TTC21A: variants seen among roughly 807,000 people sequenced by gnomAD.
TTC21A encodes tetratricopeptide repeat protein 21A.
TTC21A carries 128 observed loss-of-function variants against 156.4 expected under a neutral mutation model. The ratio of observed to expected loss-of-function variants is 0.82; its 90% CI spans 0.71 to 0.95. TTC21A has a LOEUF of 0.95. Ranked by LOEUF, TTC21A falls within the 40% of genes least tolerant of loss-of-function variation. The pLI is 0.00. For missense variants in TTC21A, 1,435 were observed against 1,602.3 expected, an observed-to-expected ratio of 0.90 and a Z score of 1.78; for synonymous variants, 587 against 617.1, an observed-to-expected ratio of 0.95 and a Z score of 0.72.
chr3:39,135,037 C>T lies in TTC21A; in HGVS notation c.2863-56C>T, dbSNP rs2039008917. On this transcript the variant is annotated intron_variant, in intron 21 of 28. Coordinates refer to ENST00000683103, the MANE Select transcript of TTC21A (RefSeq NM_001366900.1). ...CCCCCATACCCCCCGCCTCCCCCTA[C>T]ACCCATGCAAGCTGCCACTGTTGGG... 2.3e-5 allele frequency: 30 copies of T among 1,300,238 alleles called. No homozygotes were observed. The South Asian group carries it at 2.7e-4, about 12-fold the overall frequency. 80.5% of individuals were successfully genotyped at this position (1,300,238 alleles called of 1,614,324 possible).
At chr3:39,113,601 G>T (rs780245742) in intron 5 of TTC21A, among the ~76,000 whole-genome samples, 1 of 152,228 alleles carries the variant, frequency 6.6e-6, no homozygotes, top group Non-Finnish European at 1.5e-5. Flanking sequence ...GATGGTAGGG[G>T]GTGGGTCACA....
intron 14 of TTC21A, 41 bp downstream of exon 14, chr3:39,128,973 A>G (rs2038496909): frequency 2.5e-6 from 4 of 1,610,882 alleles, no homozygotes; most frequent in Non-Finnish European, 3.4e-6. Context: ...ACTGGGGCAC[A>G]CTGGAGGCTC....
chr3:39,114,363 C>T (rs1404534877), intron 5 of TTC21A, among the ~76,000 whole-genome samples: 1 of 152,190 alleles, frequency 6.6e-6, no homozygotes, highest in Non-Finnish European at 1.5e-5. Flanking sequence ...CCCCAAAGCC[C>T]CTGCTCATCC....
chr3:39,114,683 G>A lies in TTC21A; in HGVS notation c.657G>A (p.Leu219=). The A allele has an allele frequency of 6.2e-7, 1 of 1,614,238 alleles. No individual in the cohort carries two copies. The highest frequency in any genetic ancestry group is 2.2e-5 in the East Asian group (1 of 44,894). ...GGAGCTTCCTGCCAGCCCTCGTCCT[G>A]AAGATGCAGCTGTTCTTAGCTCGGC... ...TSGSFLPALV[L]KMQLFLARQD... Residue 219 remains leucine (L), a synonymous_variant, in exon 6 of 29, where the codon CTG becomes CTA. Transcript: ENST00000683103.
intron 19 of TTC21A, chr3:39,132,700 A>T: frequency 2.9e-6 from 1 of 338,990 alleles, no homozygotes; most frequent in Non-Finnish European, 5.5e-6. Flanking sequence ...TACAGAACAG[A>T]ACAGTCTACT....
chr3:39,129,019 C>T, intron 14 of TTC21A, 53 bp from the exon 15 acceptor site: 1 of 1,606,830 alleles, frequency 6.2e-7, no homozygotes, highest in Non-Finnish European at 8.5e-7. Flanking sequence ...TTGATTCCAC[C>T]CACTGTTTAC....
chr3:39,130,293 C>T lies in TTC21A; in HGVS notation c.2254C>T (p.Pro752Ser). ...EVYDEAYRQN[P>S]HDASLASRIG... ...CTATGATGAGGCCTATAGACAGAAC[C>T]CACATGACGCCTCCCTGGCCAGCAG... The change falls in exon 17 of 29, where the codon CCA becomes TCA. Residue 752 changes from proline to serine, a missense_variant. Coordinates refer to ENST00000683103, the MANE Select transcript of TTC21A (RefSeq NM_001366900.1). This position sits in a 1 kb window ranked among gnomAD's most constrained non-coding sequence, Gnocchi z 4.5. The T allele has an allele frequency of 6.2e-7, 1 of 1,614,018 alleles. No homozygotes were observed. The highest frequency in any genetic ancestry group is 8.5e-7 in the Non-Finnish European group (1 of 1,179,960).
At chr3:39,122,218 G>C (rs1435288982) in intron 9 of TTC21A, among the ~76,000 whole-genome samples, 1 of 152,014 alleles carries the variant, frequency 6.6e-6, no homozygotes, top group African/African-American at 2.4e-5. Flanking sequence ...CGCTGAGGCC[G>C]GAGAATCACT....
intron 15 of TTC21A, 126 bp from the exon 16 acceptor site, chr3:39,129,953 A>G (rs2038596993): frequency 9.8e-7 from 1 of 1,022,560 alleles, no homozygotes. Context: ...TGGACTTTCT[A>G]TAAATATTGA....
chr3:39,125,680 A>G lies in TTC21A; in HGVS notation c.1392+148A>G, dbSNP rs1167961835. 3 of 669,108 alleles carry G rather than the reference A, an allele frequency of 4.5e-6. No homozygotes were observed. In the African/African-American group the frequency reaches 5.4e-5, roughly 12 times the overall value. The allele number at this position is 669,108 out of a possible 1,614,324, so 41.4% of individuals were successfully genotyped here. On this transcript the variant is annotated intron_variant, in intron 11 of 28. Transcript: ENST00000683103. ...GCAGCTGGGGAGCCCAGTGCTCTTCAAACTTGAACATACAGCACACAGGTC... is the reference window on the plus strand; with the variant it reads ...GCAGCTGGGGAGCCCAGTGCTCTTCGAACTTGAACATACAGCACACAGGTC...
At chr3:39,108,065 C>G (rs543481676) in intron 1 of TTC21A, 2 of 609,508 alleles carry the variant, frequency 3.3e-6, no homozygotes, top group Non-Finnish European at 5.8e-6. Context: ...ATTAGCATCC[C>G]CGTTTCTTGA....
intron 6 of TTC21A, 103 bp downstream of exon 6, chr3:39,114,845 T>C: frequency 1.4e-6 from 2 of 1,397,336 alleles, no homozygotes; most frequent in Admixed American, 1.9e-5. Flanking sequence ...ATATCGCCCA[T>C]AGAGGAACTG....
chr3:39,123,342 A>G (rs1250757654), intron 9 of TTC21A, among the ~76,000 whole-genome samples: 2 of 152,230 alleles, frequency 1.3e-5, no homozygotes, highest in African/African-American at 4.8e-5. Context: ...GCTTGCTTCA[A>G]ACAGATGAGA....
At chr3:39,108,149 C>G in intron 1 of TTC21A, 1 of 567,058 alleles carries the variant, frequency 1.8e-6, no homozygotes, top group Non-Finnish European at 3.1e-6. Context: ...ACCCAGCTCA[C>G]TCTCGCCTGC....
intron 5 of TTC21A, among the ~76,000 whole-genome samples, chr3:39,112,978 C>T (rs566079562): frequency 2.1e-4 from 32 of 152,052 alleles, no homozygotes; most frequent in African/African-American, 7.2e-4. Flanking sequence ...TTTAGTGTGC[C>T]GTAAGAGAAG....
chr3:39,125,376 G>A lies in TTC21A; in HGVS notation c.1236G>A (p.Lys412=), dbSNP rs963914705. 4.3e-6 allele frequency: 7 copies of A among 1,614,198 alleles called. No individual in the cohort carries two copies. Among genetic ancestry groups the A allele is most frequent in the Non-Finnish European group, 5.9e-6 (7 of 1,180,028 alleles). ...CCCTCCTGATGTCCAGGAAGCACAA[G>A]GGGGAGGAAGAGACCACAGCGCTCC... The part of the protein sequence containing the change: ...LQALLMSRKH[K]GEEETTALLK... Residue 412 remains lysine, a synonymous_variant, in exon 11 of 29, where the codon AAG becomes AAA. Coordinates refer to ENST00000683103, the MANE Select transcript of TTC21A (RefSeq NM_001366900.1).
intron 9 of TTC21A, among the ~76,000 whole-genome samples, chr3:39,124,749 CAT>C (rs1379551552): frequency 6.7e-6 from 1 of 150,106 alleles, no homozygotes; most frequent in African/African-American, 2.4e-5. Flanking sequence ...TTGGTATGCT[CAT>C]GTGTACATAT....
rs1286381766 is a variant in TTC21A, at chr3:39,136,400, A to C, written c.2988A>C (p.Arg996Ser). The change falls in exon 23 of 29, where the codon AGA (arginine) becomes AGC (serine). Residue 996 changes from arginine to serine, a missense_variant. Arg to Ser is a moderately radical substitution (Grantham distance 110, BLOSUM62 -1). Transcript: ENST00000683103. Reference protein sequence around the residue: ...VLHKLIDLLRRSGKLEDIPAF... With the variant: ...VLHKLIDLLRSSGKLEDIPAF... ...ATAAATTAATCGATCTGCTAAGAAG[A>C]AGTGGAAAACTTGAAGACATTCCTG... is the stretch of plus-strand genomic sequence containing the variant. 1 of 1,614,134 alleles carries C rather than the reference A, an allele frequency of 6.2e-7. No homozygotes were observed. Among genetic ancestry groups the C allele is most frequent in the African/African-American group, 1.3e-5 (1 of 75,044 alleles).
At position 39,112,469 on chromosome 3, in the gene TTC21A, C is replaced by G. The variant is rs777661504; in HGVS notation, c.447C>G (p.Leu149=). 54 of 1,614,122 alleles carry G rather than the reference C, an allele frequency of 3.3e-5. No homozygotes were observed. The highest frequency in any genetic ancestry group is 4.4e-5 in the Non-Finnish European group (52 of 1,180,012). The change falls in exon 5 of 29, where the codon CTC becomes CTG. Residue 149 remains leucine (L), a synonymous_variant. Transcript: ENST00000683103. ...ISRGFREAYV[L]RGWVDLTSDK... ...TGTTCTCATCCCAGGCCTATGTGCT[C>G]AGAGGCTGGGTGGACCTGACCTCAG...
Sources: allele counts gnomAD v4.1 joint callset (sites outside exome capture counted in the v4.1 genomes callset), GRCh38; gene constraint gnomAD v4.1.1; non-coding constraint Gnocchi (gnomAD v3.1); transcripts MANE v1.5; gene names NCBI Gene and HGNC (gene_info 2026-07-23, HGNC 2026-07-21).